The following HNRNPC variants were observed in gnomAD, a reference collection of about 807,000 sequenced individuals.
HNRNPC encodes heterogeneous nuclear ribonucleoprotein C, also known as heterogeneous nuclear ribonucleoproteins C1/C2.
In HNRNPC, 3 loss-of-function variants were observed where a neutral mutation model predicts 33.2. The ratio of observed to expected loss-of-function variants is 0.09; its 90% confidence interval spans 0.04 to 0.23. The LOEUF is 0.23. Ranked by LOEUF, HNRNPC falls within the 10% of genes least tolerant of loss-of-function variation. HNRNPC has a pLI of 1.00. For missense variants in HNRNPC, 143 were observed against 366.7 expected, an observed-to-expected ratio of 0.39 and a Z score of 4.98; for synonymous variants, 121 against 126.7, an observed-to-expected ratio of 0.96 and a Z score of 0.30.
At chr14:21,225,564 T>C (rs1893329181) in intron 5 of HNRNPC, among the ~76,000 whole-genome samples, 1 of 152,118 alleles carries the variant, frequency 6.6e-6, no homozygotes, top group Non-Finnish European at 1.5e-5. Flanking sequence ...AAGGTGTCCA[T>C]CCTCAGGCGT....
In HNRNPC at chr14:21,212,891, G is replaced by C. The variant is rs952983009; in HGVS notation, c.523+69C>G. On this transcript the variant is annotated intron_variant, in intron 6 of 8. Coordinates refer to ENST00000553300, the MANE Select transcript of HNRNPC (RefSeq NM_004500.4). ...CAAAGTCATGTGGCACAAAAATATT[G>C]TAACTGCATTAGCTTCCCTATCTCA... 6 of 1,573,678 alleles carry C rather than the reference G, an allele frequency of 3.8e-6. No individual in the cohort carries two copies. In the African/African-American group the frequency reaches 5.4e-5, roughly 14 times the overall value.
intron 2 of HNRNPC, among the ~76,000 whole-genome samples, chr14:21,241,472 G>C (rs746781092): frequency 6.6e-6 from 1 of 152,076 alleles, no homozygotes; most frequent in Non-Finnish European, 1.5e-5. Flanking sequence ...GTATTCCAAA[G>C]TTTTCAGTCA....
At chr14:21,229,607 G>A (rs1259037806) in intron 5 of HNRNPC, among the ~76,000 whole-genome samples, 1 of 152,150 alleles carries the variant, frequency 6.6e-6, no homozygotes, top group East Asian at 1.9e-4. Flanking sequence ...CACTTTCAGT[G>A]TATACTTTAT....
At chr14:21,226,895 AGGG>A (rs71313496) in intron 5 of HNRNPC, among the ~76,000 whole-genome samples, 9,762 of 106,662 alleles carry the variant, frequency 0.092, 876 homozygotes, top group Admixed American at 0.22. Flanking sequence ...AAAAAAAAAA[AGGG>A]GGGGGGGGGA....
At chr14:21,225,030 T>G (rs1010244169) in intron 5 of HNRNPC, among the ~76,000 whole-genome samples, 3 of 152,168 alleles carry the variant, frequency 2.0e-5, no homozygotes, top group Non-Finnish European at 4.4e-5. Context: ...GAACCAGGTT[T>G]CTTGCTCACC....
At chr14:21,216,013 G>C (rs556693536) in intron 5 of HNRNPC, among the ~76,000 whole-genome samples, 7 of 151,250 alleles carry the variant, frequency 4.6e-5, no homozygotes, top group Admixed American at 1.3e-4. Flanking sequence ...CTACGCAGGA[G>C]GCTGAGGCAC....
At chr14:21,224,453 A>G (rs899789668) in intron 5 of HNRNPC, among the ~76,000 whole-genome samples, 1 of 152,088 alleles carries the variant, frequency 6.6e-6, no homozygotes, top group African/African-American at 2.4e-5. Context: ...CCTTCATGTA[A>G]CCATTAATGG....
At chr14:21,220,541 T>C (rs1566601522) in intron 5 of HNRNPC, among the ~76,000 whole-genome samples, 1 of 152,176 alleles carries the variant, frequency 6.6e-6, no homozygotes, top group Non-Finnish European at 1.5e-5. Context: ...TATTTCTTAT[T>C]ATAGTATTCC....
At chr14:21,211,382 T>C (rs1224125884) in intron 8 of HNRNPC, 24 bp downstream of exon 8, 1 of 1,501,720 alleles carries the variant, frequency 6.7e-7, no homozygotes. Flanking sequence ...ACCACCTTTT[T>C]CTTTCCTTTC....
chr14:21,226,533 C>T (rs763166066), intron 5 of HNRNPC, among the ~76,000 whole-genome samples: 51 of 150,942 alleles, frequency 3.4e-4, no homozygotes, highest in Non-Finnish European at 4.0e-4. Context: ...CAACACCTTT[C>T]GCAAAACAAA....
At position 21,212,956 on chromosome 14, in the gene HNRNPC, A is replaced by G; in HGVS notation, c.523+4T>C. ...CCAAAATCACAAAATGAAATAATAC[A>G]TACACTTTCCAGACTTGGAAGATCC... On this transcript the variant is annotated splice_donor_region_variant and intron_variant, in intron 6 of 8. Transcript: ENST00000553300. 1 of 1,609,032 alleles carries G rather than the reference A, an allele frequency of 6.2e-7. No individual in the cohort carries two copies. The highest frequency in any genetic ancestry group is 1.1e-5 in the South Asian group (1 of 90,942).
At chr14:21,263,207 AG>A (rs1878497606) in intron 2 of HNRNPC, 103 bp downstream of exon 2, 1 of 152,522 alleles carries the variant, frequency 6.6e-6, no homozygotes, top group Non-Finnish European at 1.5e-5. Context: ...CACCATCATA[AG>A]TATTAATATA....
intron 1 of HNRNPC, among the ~76,000 whole-genome samples, chr14:21,268,471 A>G (rs955156000): frequency 1.3e-5 from 2 of 152,244 alleles, no homozygotes; most frequent in East Asian, 1.9e-4. Flanking sequence ...TTTTAGAACT[A>G]TATTAACTAG....
intron 3 of HNRNPC, among the ~76,000 whole-genome samples, chr14:21,231,671 G>A (rs2139640146): frequency 6.6e-6 from 1 of 152,226 alleles, no homozygotes; most frequent in South Asian, 2.1e-4. Context: ...CCGTTTCTTT[G>A]TAGTCTGTTC....
chr14:21,212,716 G>A (rs986515042), intron 6 of HNRNPC, among the ~76,000 whole-genome samples: 2 of 151,894 alleles, frequency 1.3e-5, no homozygotes, highest in Admixed American at 6.6e-5. Flanking sequence ...CAAATTTTTT[G>A]TATTTTCGGT....
At chr14:21,237,338 T>C (rs1894811819) in intron 2 of HNRNPC, among the ~76,000 whole-genome samples, 1 of 152,246 alleles carries the variant, frequency 6.6e-6, no homozygotes, top group Non-Finnish European at 1.5e-5. Flanking sequence ...ATTTGAAGCA[T>C]TTTTGTAGGT....
At chr14:21,227,281 C>G (rs764784354) in intron 5 of HNRNPC, among the ~76,000 whole-genome samples, 2 of 152,170 alleles carry the variant, frequency 1.3e-5, no homozygotes, top group Non-Finnish European at 2.9e-5. Context: ...AATTCTCCAA[C>G]CCAACTTGAG....
intron 2 of HNRNPC, among the ~76,000 whole-genome samples, chr14:21,255,878 C>T (rs1877099375): frequency 6.6e-6 from 1 of 152,136 alleles, no homozygotes; most frequent in African/African-American, 2.4e-5. Context: ...TAAGGGAAGA[C>T]ACATCACTAA....
At chr14:21,232,902 T>C (rs1428261987) in intron 3 of HNRNPC, among the ~76,000 whole-genome samples, 2 of 152,088 alleles carry the variant, frequency 1.3e-5, no homozygotes, top group African/African-American at 4.8e-5. Context: ...CCAGGTGTGG[T>C]GGCACATGCC....
Sources: gnomAD v4.1 joint callset for allele counts (sites outside exome capture counted in the v4.1 genomes callset) on GRCh38, gnomAD v4.1.1 for gene constraint, MANE v1.5 for transcripts, NCBI Gene and HGNC (gene_info 2026-07-23, HGNC 2026-07-21) for gene names.